Variants in TTC7B observed in about 807,000 individuals in gnomAD.
The protein encoded by TTC7B is tetratricopeptide repeat domain 7B, also known as tetratricopeptide repeat protein 7B.
In TTC7B, 28 loss-of-function variants were observed where a neutral mutation model predicts 106.8. The ratio of observed to expected loss-of-function variants is 0.26; its 90% CI spans 0.19 to 0.36. TTC7B has a LOEUF of 0.36. Ranked by LOEUF, TTC7B falls within the 10% of genes least tolerant of loss-of-function variation. The pLI is 1.00. For synonymous variants in TTC7B, 405 were observed against 430.6 expected, an observed-to-expected ratio of 0.94 and a Z score of 0.74; for missense variants, 862 against 1,076.4, an observed-to-expected ratio of 0.80 and a Z score of 2.79.
At chr14:90,556,214 T>C (rs1000011448) in intron 19 of TTC7B, among the ~76,000 whole-genome samples, 1 of 152,160 alleles carries the variant, frequency 6.6e-6, no homozygotes, top group Non-Finnish European at 1.5e-5. Flanking sequence ...GGAGGAAGCC[T>C]TGGGGTCCCC....
At chr14:90,623,471 C>T (rs56700212) in intron 15 of TTC7B, among the ~76,000 whole-genome samples, 4,230 of 152,248 alleles carry the variant, frequency 0.028, 197 homozygotes, top group African/African-American at 0.097. Flanking sequence ...AGATCCATTG[C>T]CAAATATTTA....
intron 18 of TTC7B, among the ~76,000 whole-genome samples, chr14:90,588,066 C>T (rs1016416440): frequency 1.3e-5 from 2 of 152,232 alleles, no homozygotes; most frequent in Admixed American, 6.5e-5. Context: ...TCAGGGACGT[C>T]GTGTTCCCTC....
rs1889231662 is a variant in TTC7B, at chr14:90,529,553, G to C, written c.*11815C>G. The C allele has an allele frequency of 6.6e-6, 1 of 152,240 alleles. No homozygotes were observed. Among genetic ancestry groups the C allele is most frequent in the Admixed American group, 6.5e-5 (1 of 15,292 alleles). The allele number at this position is 152,240 out of a possible 1,614,324, so 9.4% of individuals were successfully genotyped here. A position where few individuals can be genotyped will look rare whatever the true frequency, so the allele number is the denominator to read the frequency against. Reference sequence around the variant, plus strand: ...GAGCATGTGAGTGGCTAAGAGTATGGATTCTGGAGTCAGGCAACCTGGGTT... The same window carrying C: ...GAGCATGTGAGTGGCTAAGAGTATGCATTCTGGAGTCAGGCAACCTGGGTT... On this transcript the variant is annotated 3_prime_UTR_variant, in exon 20 of 20. Transcript: ENST00000328459.
intron 5 of TTC7B, among the ~76,000 whole-genome samples, chr14:90,726,576 G>C (rs963393619): frequency 6.6e-6 from 1 of 152,150 alleles, no homozygotes. Flanking sequence ...ACCCCACCAG[G>C]TGCTTCCATG....
chr14:90,609,072 C>T (rs964877957), intron 17 of TTC7B, among the ~76,000 whole-genome samples: 4 of 152,204 alleles, frequency 2.6e-5, no homozygotes, highest in Non-Finnish European at 4.4e-5. Flanking sequence ...GACAGCCTGA[C>T]CTCTTTCCTA....
At chr14:90,599,905 T>C (rs1463080293) in intron 17 of TTC7B, among the ~76,000 whole-genome samples, 4 of 152,190 alleles carry the variant, frequency 2.6e-5, no homozygotes, top group Non-Finnish European at 5.9e-5. Context: ...GTGAGCTAGC[T>C]TTGCTTTAGA....
intron 8 of TTC7B, among the ~76,000 whole-genome samples, chr14:90,679,726 T>C (rs1168503107): frequency 2.6e-5 from 4 of 152,344 alleles, no homozygotes; most frequent in South Asian, 2.1e-4. Context: ...GAATTCACTA[T>C]TACTACACAC....
chr14:90,812,922 G>A (rs2030977801), intron 1 of TTC7B, among the ~76,000 whole-genome samples: 1 of 151,934 alleles, frequency 6.6e-6, no homozygotes, highest in South Asian at 2.1e-4. Context: ...GGGAGGGGCT[G>A]CCACGCTTCC....
intron 17 of TTC7B, among the ~76,000 whole-genome samples, chr14:90,596,405 A>G (rs894471376): frequency 6.6e-6 from 1 of 152,222 alleles, no homozygotes; most frequent in Non-Finnish European, 1.5e-5. Context: ...ATATTTTACT[A>G]TGAATAAGGT....
chr14:90,675,493 T>G (rs1433330498), intron 9 of TTC7B, among the ~76,000 whole-genome samples: 1 of 152,030 alleles, frequency 6.6e-6, no homozygotes. Flanking sequence ...CTGAGCCGCA[T>G]GTGGTGGGGG....
rs966928706 is a variant in TTC7B at position 90,624,540 on chromosome 14, C to T, written c.1752-6495G>A. 2.0e-5 allele frequency among the ~76,000 whole-genome samples: 3 copies of T among 152,210 alleles called. No homozygotes were observed. Among genetic ancestry groups the T allele is most frequent in the African/African-American group, 7.2e-5 (3 of 41,450 alleles). On this transcript the variant is annotated intron_variant, in intron 15 of 19. Coordinates refer to ENST00000328459, the MANE Select transcript of TTC7B (RefSeq NM_001010854.2). The surrounding 1 kb of genome is among the most constrained non-coding windows in gnomAD (Gnocchi z 4.0). The stretch of plus-strand genomic sequence containing the variant: ...CCTAGTTTAGTTTTAGCCTTGGCCC[C>T]ACCCCAGTGAGTCCCAGACTTGGGC...
intron 11 of TTC7B, among the ~76,000 whole-genome samples, chr14:90,656,059 A>G (rs1885934367): frequency 1.3e-5 from 2 of 152,120 alleles, no homozygotes; most frequent in South Asian, 4.1e-4. Context: ...CACAGCCCCA[A>G]ACTGTCAAAA....
intron 16 of TTC7B, among the ~76,000 whole-genome samples, chr14:90,617,561 A>G (rs1893136304): frequency 6.6e-6 from 1 of 151,660 alleles, no homozygotes; most frequent in Non-Finnish European, 1.5e-5. Flanking sequence ...TGCTGCAGGA[A>G]CCCCATCTGG....
At chr14:90,617,137 T>C (rs1484205522) in intron 16 of TTC7B, among the ~76,000 whole-genome samples, 1 of 152,198 alleles carries the variant, frequency 6.6e-6, no homozygotes, top group Non-Finnish European at 1.5e-5. Context: ...CACCGTTGAC[T>C]CACTTCCCAT....
At chr14:90,709,990 A>G (rs900129791) in intron 5 of TTC7B, among the ~76,000 whole-genome samples, 1 of 150,958 alleles carries the variant, frequency 6.6e-6, no homozygotes, top group East Asian at 1.9e-4. Context: ...AGAAAAAAAA[A>G]AAAAAGAAAA....
chr14:90,761,865 C>T (rs1355594813), intron 3 of TTC7B, among the ~76,000 whole-genome samples: 1 of 152,202 alleles, frequency 6.6e-6, no homozygotes. Flanking sequence ...CCTGCCCCTG[C>T]CTTGGTTCAG....
chr14:90,554,415 G>A (rs1000739576), intron 19 of TTC7B, among the ~76,000 whole-genome samples: 2 of 152,230 alleles, frequency 1.3e-5, no homozygotes, highest in Non-Finnish European at 2.9e-5. Context: ...AACAGCATCC[G>A]GGTGTTCGGG....
chr14:90,703,182 T>C (rs1401939295), intron 5 of TTC7B, among the ~76,000 whole-genome samples: 2 of 152,186 alleles, frequency 1.3e-5, no homozygotes. Flanking sequence ...CTCAATTAGC[T>C]GCACAGAACA....
At chr14:90,638,585 T>C (rs1039788088) in intron 15 of TTC7B, among the ~76,000 whole-genome samples, 1 of 152,156 alleles carries the variant, frequency 6.6e-6, no homozygotes, top group Non-Finnish European at 1.5e-5. Flanking sequence ...CAAAAATACT[T>C]GTAAAGGCCT....
Sources: gnomAD v4.1 joint callset for allele counts (sites outside exome capture counted in the v4.1 genomes callset) on GRCh38, gnomAD v4.1.1 for gene constraint, Gnocchi (gnomAD v3.1) non-coding constraint, MANE v1.5 for transcripts, NCBI Gene and HGNC (gene_info 2026-07-23, HGNC 2026-07-21) for gene names.